The following PCDHA10 variants were observed in gnomAD, a reference collection of about 807,000 sequenced individuals.
PCDHA10 encodes the protein protocadherin alpha 10.
A neutral mutation model predicts 61.2 loss-of-function variants in PCDHA10; 45 were observed. The ratio of observed to expected loss-of-function variants is 0.74; its 90% CI spans 0.58 to 0.94. The LOEUF is 0.94. Among genes scored for constraint, PCDHA10 ranks in the 40% least tolerant of loss-of-function variants. The pLI, the probability that PCDHA10 is intolerant of heterozygous loss-of-function variation, is 0.00. For synonymous variants in PCDHA10, 602 were observed against 548.8 expected, an observed-to-expected ratio of 1.10 and a Z score of -1.35; for missense variants, 1,278 against 1,236.2, an observed-to-expected ratio of 1.03 and a Z score of -0.51.
chr5:140,986,467 T>G (rs190246289), intron 3 of PCDHA10, among the ~76,000 whole-genome samples: 4 of 152,196 alleles, frequency 2.6e-5, no homozygotes, highest in Non-Finnish European at 5.9e-5. Context: ...AATGCCCTCT[T>G]GTGATCAGTT....
Position 140,857,659 on chromosome 5 carries a change from C to T in PCDHA10, c.1611C>T (p.Arg537=). ...LELLQFQVSA[R]DGGVPPLGSN... ...TGCTACAGTTCCAGGTGAGCGCGCG[C>T]GATGGGGGCGTGCCGCCTCTGGGCA... The change falls in exon 1 of 4, where the codon CGC becomes CGT. Residue 537 remains arginine (R), a synonymous_variant. Transcript: ENST00000307360. 6.3e-7 allele frequency: 1 copy of T among 1,596,596 alleles called. No individual in the cohort carries two copies. The highest frequency in any genetic ancestry group is 1.1e-5 in the South Asian group (1 of 90,504).
chr5:140,910,324 T>C (rs2074979860), intron 1 of PCDHA10, among the ~76,000 whole-genome samples: 3 of 152,220 alleles, frequency 2.0e-5, no homozygotes, highest in Non-Finnish European at 4.4e-5. Flanking sequence ...AGTCAGACTA[T>C]TGTGATTGCT....
At chr5:140,981,533 C>A (rs1045779820) in intron 2 of PCDHA10, among the ~76,000 whole-genome samples, 9 of 152,154 alleles carry the variant, frequency 5.9e-5, no homozygotes, top group African/African-American at 2.2e-4. Context: ...GAGATCGTGC[C>A]ACTGTACTCC....
rs185767188 is a variant in PCDHA10 at position 140,858,268 on chromosome 5, T to C, written c.2220T>C (p.Ser740=). Residue 740 remains serine (S), a synonymous_variant, in exon 1 of 4, where the codon TCT becomes TCC. Transcript: ENST00000307360. ...CGGTGAAGCCCACGCTGGTGTGCTC[T>C]AGCGCGGTGGGGAGCTGGTCTTACT... ...CGPVKPTLVC[S]SAVGSWSYSQ... The C allele has an allele frequency of 2.5e-3, 4,023 of 1,597,108 alleles. 314 individuals carry two copies. Among genetic ancestry groups the C allele is most frequent in the Middle Eastern group, 0.01 (61 of 5,954 alleles).
At chr5:140,871,536 A>G in intron 1 of PCDHA10, 1 of 1,507,188 alleles carries the variant, frequency 6.6e-7, no homozygotes, top group East Asian at 2.4e-5. Context: ...AGTGTATGTG[A>G]AATTATTTAA....
intron 1 of PCDHA10, chr5:140,869,236 G>T (rs781873875): frequency 6.2e-7 from 1 of 1,613,674 alleles, no homozygotes; most frequent in South Asian, 1.1e-5. Context: ...CGGCACCTTC[G>T]TGGGCCGCAT....
intron 1 of PCDHA10, among the ~76,000 whole-genome samples, chr5:140,872,716 A>G (rs1309493361): frequency 6.6e-6 from 1 of 152,266 alleles, no homozygotes; most frequent in Non-Finnish European, 1.5e-5. Context: ...AACTAGGTAA[A>G]TAAAATTATT....
At chr5:140,979,126 A>G in intron 2 of PCDHA10, 119 bp downstream of exon 2, 2 of 1,481,366 alleles carry the variant, frequency 1.4e-6, no homozygotes, top group South Asian at 1.4e-5. Context: ...GTACTTTGCC[A>G]GGAAAATGCA....
intron 3 of PCDHA10, among the ~76,000 whole-genome samples, chr5:141,004,948 C>T (rs1356526927): frequency 6.6e-6 from 1 of 152,236 alleles, no homozygotes; most frequent in African/African-American, 2.4e-5. Context: ...TTCTTACCCT[C>T]TCTCGTCACT....
intron 1 of PCDHA10, chr5:140,870,238 G>A: frequency 6.2e-7 from 1 of 1,614,162 alleles, no homozygotes; most frequent in Non-Finnish European, 8.5e-7. Context: ...CCGTGACTCA[G>A]GTGTCAACGG....
intron 1 of PCDHA10, chr5:140,863,133 G>T (rs2047814450): frequency 5.0e-6 from 3 of 600,930 alleles, no homozygotes; most frequent in African/African-American, 1.9e-5. Flanking sequence ...GCCACCGCCT[G>T]CTGGTGCTGG....
chr5:140,985,885 G>A (rs1218097274), intron 3 of PCDHA10, among the ~76,000 whole-genome samples: 4 of 151,548 alleles, frequency 2.6e-5, no homozygotes, highest in Non-Finnish European at 5.9e-5. Flanking sequence ...GACTACAGGC[G>A]CCCGCCACCA....
intron 1 of PCDHA10, among the ~76,000 whole-genome samples, chr5:140,945,495 C>A (rs1585197828): frequency 6.6e-6 from 1 of 152,022 alleles, no homozygotes; most frequent in East Asian, 1.9e-4. Context: ...ATACCCAAAG[C>A]AATATTGAGC....
At chr5:140,882,435 T>C in intron 1 of PCDHA10, 2 of 1,614,036 alleles carry the variant, frequency 1.2e-6, no homozygotes, top group East Asian at 4.5e-5. Context: ...GGGCTGGAGC[T>C]GGCGGAGCTG....
At chr5:140,925,682 G>A (rs1554202871) in intron 1 of PCDHA10, among the ~76,000 whole-genome samples, 1 of 122,672 alleles carries the variant, frequency 8.2e-6, no homozygotes, top group Non-Finnish European at 1.8e-5. Context: ...ATAATAAAGC[G>A]AGGGTGGGTA....
chr5:140,878,016 G>A, intron 1 of PCDHA10: 2 of 818,388 alleles, frequency 2.4e-6, no homozygotes, highest in Admixed American at 3.6e-5. Context: ...CATTAATGAA[G>A]GAAATATGTA....
At chr5:140,890,830 A>G (rs903756043) in intron 1 of PCDHA10, among the ~76,000 whole-genome samples, 1 of 152,182 alleles carries the variant, frequency 6.6e-6, no homozygotes, top group Non-Finnish European at 1.5e-5. Context: ...GTACTTACAT[A>G]TTTACCAGTT....
chr5:140,898,148 A>C lies in PCDHA10; in HGVS notation c.2388+39712A>C, dbSNP rs532668918. On this transcript the variant is annotated intron_variant, in intron 1 of 3. Coordinates refer to ENST00000307360, the MANE Select transcript of PCDHA10 (RefSeq NM_018901.4). ...CTCCCATTTTGTAGGTTGCCTGTTC[A>C]CGCTGATGGTGGTTTCTTTTGCTGT... Among the ~76,000 whole-genome samples, 1,044 of 152,230 alleles carry C rather than the reference A, an allele frequency of 6.9e-3. 8 individuals are homozygous for C. The highest frequency in any genetic ancestry group is 0.024 in the African/African-American group (1,010 of 41,492).
Position 140,892,963 on chromosome 5 carries a change from A to C in PCDHA10, c.2388+34527A>C, listed in dbSNP as rs138089244. Among the ~76,000 whole-genome samples, 29 of 152,284 alleles carry C rather than the reference A, an allele frequency of 1.9e-4. No individual in the cohort carries two copies. In the East Asian group the frequency reaches 5.6e-3, roughly 29 times the overall value. ...ACAATACTACTTCCATGAGCTCAAT[A>C]AAATTTTGTAGCTGCCGTATAAGTG... On this transcript the variant is annotated intron_variant, in intron 1 of 3. Transcript: ENST00000307360.
Sources: gnomAD v4.1 joint callset for allele counts (sites outside exome capture counted in the v4.1 genomes callset) on GRCh38, gnomAD v4.1.1 for gene constraint, MANE v1.5 for transcripts, NCBI Gene and HGNC (gene_info 2026-07-23, HGNC 2026-07-21) for gene names.